The following LTBP1 variants were observed in gnomAD, a reference collection of about 807,000 sequenced individuals.
LTBP1 encodes the protein latent-transforming growth factor beta-binding protein 1.
A neutral mutation model predicts 207.6 loss-of-function variants in LTBP1; 129 were observed. That is an observed-to-expected ratio of 0.62 (90% CI 0.54 to 0.72). LTBP1 has a LOEUF of 0.72. Among genes scored for constraint, LTBP1 ranks in the 30% least tolerant of loss-of-function variants. LTBP1 has a pLI of 0.00. For synonymous variants in LTBP1, 963 were observed against 833.7 expected, an observed-to-expected ratio of 1.16 and a Z score of -2.67; for missense variants, 2,281 against 2,217.2, an observed-to-expected ratio of 1.03 and a Z score of -0.58.
At chr2:33,145,519 G>T (rs536161002) in intron 5 of LTBP1, among the ~76,000 whole-genome samples, 1 of 152,192 alleles carries the variant, frequency 6.6e-6, no homozygotes, top group Non-Finnish European at 1.5e-5. Context: ...GTATCCTAGA[G>T]CATTCTTAGC....
In LTBP1 at chr2:33,389,268, A is replaced by G. The variant is rs1452030852; in HGVS notation, c.4796A>G (p.Gln1599Arg). The G allele has an allele frequency of 3.7e-6, 6 of 1,614,214 alleles. No individual in the cohort carries two copies. Among genetic ancestry groups the G allele is most frequent in the South Asian group, 2.2e-5 (2 of 91,086 alleles). ...GRDALVDFSE[Q>R]YTPEADPYFI... ...GACGCCTTGGTTGACTTCAGTGAAC[A>G]GTATACTCCAGAAGCCGATCCCTAC... The change falls in exon 32 of 34, where the codon CAG (glutamine) becomes CGG (arginine). Residue 1599 changes from glutamine (Q) to arginine (R), a missense_variant. Gln to Arg is a conservative substitution (Grantham distance 43). Coordinates refer to ENST00000404816, the MANE Select transcript of LTBP1 (RefSeq NM_206943.4).
chr2:33,135,581 T>C (rs1338748988), intron 5 of LTBP1, among the ~76,000 whole-genome samples: 1 of 149,052 alleles, frequency 6.7e-6, no homozygotes, highest in Non-Finnish European at 1.5e-5. Context: ...TTACGTGGAT[T>C]TGGGGAAGAC....
At chr2:33,053,815 A>G (rs2076860288) in intron 3 of LTBP1, among the ~76,000 whole-genome samples, 1 of 152,208 alleles carries the variant, frequency 6.6e-6, no homozygotes, top group Non-Finnish European at 1.5e-5. Flanking sequence ...TTAGCTAGAA[A>G]GTTCAAGAGA....
Position 33,292,307 on chromosome 2 carries a change from T to A in LTBP1, c.3113-853T>A, listed in dbSNP as rs558134851. Among the ~76,000 whole-genome samples the A allele has an allele frequency of 9.2e-5, 14 of 152,360 alleles. No homozygotes were observed. In the East Asian group the frequency reaches 2.5e-3, roughly 27 times the overall value. On this transcript the variant is annotated intron_variant, in intron 19 of 33. Coordinates refer to ENST00000404816, the MANE Select transcript of LTBP1 (RefSeq NM_206943.4). ...CAAACATCAATTCATACATTCTCTCTTTCTTTAACTGTTTCTATCACTAGA... is the reference window on the plus strand; with the variant it reads ...CAAACATCAATTCATACATTCTCTCATTCTTTAACTGTTTCTATCACTAGA...
chr2:33,123,050 C>G lies in LTBP1; in HGVS notation c.1034-11743C>G, dbSNP rs74891997. Among the ~76,000 whole-genome samples, 1,214 of 152,200 alleles carry G rather than the reference C, an allele frequency of 8.0e-3. 21 individuals carry two copies. Among genetic ancestry groups the G allele is most frequent in the African/African-American group, 0.028 (1,147 of 41,548 alleles). On this transcript the variant is annotated intron_variant, in intron 4 of 33. Transcript: ENST00000404816. ...CCCAGCTGCTCAACTTTTCCTCACT[C>G]TCTTTATAGCTTTTCCTCACTCCCT...
intron 2 of LTBP1, among the ~76,000 whole-genome samples, chr2:32,975,792 G>T (rs775714265): frequency 1.1e-4 from 16 of 151,542 alleles, no homozygotes; most frequent in Non-Finnish European, 1.9e-4. Flanking sequence ...TTATCCTTTG[G>T]CTTCTGTGTT....
At chr2:33,354,728 A>ACACACACACACACC (rs751452437) in intron 26 of LTBP1, among the ~76,000 whole-genome samples, 2 of 106,634 alleles carry the variant, frequency 1.9e-5, no homozygotes, top group African/African-American at 6.6e-5. Context: ...ACACACACAC[A>ACACACACACACACC]CCATTGTATC....
intron 31 of LTBP1, among the ~76,000 whole-genome samples, chr2:33,384,028 C>T (rs774031656): frequency 1.3e-5 from 2 of 152,186 alleles, no homozygotes; most frequent in Non-Finnish European, 2.9e-5. Flanking sequence ...ACCTCCTGGT[C>T]TCCTCACATG....
At chr2:33,185,366 CGA>C (rs376741940) in intron 5 of LTBP1, among the ~76,000 whole-genome samples, 151 of 152,154 alleles carry the variant, frequency 9.9e-4, no homozygotes, top group Middle Eastern at 6.8e-3. Flanking sequence ...GGAGGGAAGA[CGA>C]TGAGTTCAAT....
chr2:33,364,182 A>AT, intron 29 of LTBP1, 34 bp from the exon 30 acceptor site: 1 of 1,608,792 alleles, frequency 6.2e-7, no homozygotes, highest in Non-Finnish European at 8.5e-7. Flanking sequence ...CTGATGGCTG[A>AT]TTTTCTTTAG....
intron 19 of LTBP1, among the ~76,000 whole-genome samples, chr2:33,283,809 A>G (rs2093611804): frequency 6.6e-6 from 1 of 152,188 alleles, no homozygotes; most frequent in South Asian, 2.1e-4. Context: ...TGCCATCTGT[A>G]GAGATGATAA....
In LTBP1 at chr2:33,134,968, C is replaced by T; in HGVS notation, c.1201+8C>T. 12 of 1,602,474 alleles carry T rather than the reference C, an allele frequency of 7.5e-6. No homozygotes were observed. The highest frequency in any genetic ancestry group is 1.0e-5 in the Non-Finnish European group (12 of 1,174,416). Reference sequence around the variant, plus strand: ...CCACGAACTTCCGAGTGGGTGAGTTCCTCCACGGTCCCTAACTGTCCTTAC... The same window carrying T: ...CCACGAACTTCCGAGTGGGTGAGTTTCTCCACGGTCCCTAACTGTCCTTAC... On this transcript the variant is annotated splice_region_variant and intron_variant, in intron 5 of 33. Transcript: ENST00000404816. The surrounding 1 kb of genome is among the most constrained non-coding windows in gnomAD (Gnocchi z 4.4).
rs116139766 is a variant in LTBP1, at chr2:33,229,536, A to G, written c.1876+7385A>G. Among the ~76,000 whole-genome samples the G allele has an allele frequency of 9.3e-3, 1,411 of 152,286 alleles. 23 individuals are homozygous for G. The highest frequency in any genetic ancestry group is 0.032 in the African/African-American group (1,330 of 41,554). On this transcript the variant is annotated intron_variant, in intron 9 of 33. Transcript: ENST00000404816. ...GGAGGGAGAGAAAGTTGTACAATACATTTCTTTTACTGGCTGATTAATGTT... is the reference window on the plus strand; with the variant it reads ...GGAGGGAGAGAAAGTTGTACAATACGTTTCTTTTACTGGCTGATTAATGTT...
intron 11 of LTBP1, among the ~76,000 whole-genome samples, chr2:33,253,610 A>T (rs750066282): frequency 1.3e-5 from 2 of 152,172 alleles, no homozygotes; most frequent in South Asian, 2.1e-4. Flanking sequence ...AGTCTACTCA[A>T]TTGCATGTTT....
chr2:33,005,907 G>A (rs1686795734), intron 2 of LTBP1, among the ~76,000 whole-genome samples: 1 of 151,066 alleles, frequency 6.6e-6, no homozygotes. Context: ...TTTGATGGGA[G>A]TAGCAGCATA....
chr2:33,045,856 A>G (rs561780773), intron 3 of LTBP1, among the ~76,000 whole-genome samples: 15 of 152,070 alleles, frequency 9.9e-5, no homozygotes, highest in Admixed American at 2.6e-4. Context: ...ATTCCTAGGT[A>G]TTTTATTCCC....
At chr2:33,328,171 TAA>T (rs1553503621) in intron 24 of LTBP1, among the ~76,000 whole-genome samples, 1 of 73,318 alleles carries the variant, frequency 1.4e-5, no homozygotes, top group African/African-American at 6.1e-5. Context: ...ATAAATAAAA[TAA>T]AAATAAAATG....
chr2:33,292,186 A>C (rs1324601359), intron 19 of LTBP1, among the ~76,000 whole-genome samples: 1 of 152,198 alleles, frequency 6.6e-6, no homozygotes, highest in Non-Finnish European at 1.5e-5. Flanking sequence ...TATTTTTGAA[A>C]AATAGTAATA....
intron 31 of LTBP1, among the ~76,000 whole-genome samples, chr2:33,368,064 G>A (rs562653751): frequency 2.0e-5 from 3 of 152,122 alleles, no homozygotes; most frequent in East Asian, 3.9e-4. Context: ...AAAAATAGCC[G>A]GGCCTGGTGG....
Sources: gnomAD v4.1 joint callset for allele counts (sites outside exome capture counted in the v4.1 genomes callset) on GRCh38, gnomAD v4.1.1 for gene constraint, Gnocchi (gnomAD v3.1) non-coding constraint, MANE v1.5 for transcripts, NCBI Gene and HGNC (gene_info 2026-07-23, HGNC 2026-07-21) for gene names.